The following BRINP2 variants were observed in gnomAD, a reference collection of about 807,000 sequenced individuals.
BRINP2 encodes the protein BMP/retinoic acid inducible neural specific 2, also known as BMP/retinoic acid-inducible neural-specific protein 2.
BRINP2 carries 21 observed loss-of-function variants against 69.2 expected under a neutral mutation model. The observed-to-expected ratio is 0.30, with a 90% confidence interval of 0.22 to 0.44. The LOEUF (loss-of-function observed/expected upper bound fraction) is 0.44, where lower values mean the gene tolerates loss of function less well. Ranked by LOEUF, BRINP2 falls within the 20% of genes least tolerant of loss-of-function variation. The pLI is 1.00. For missense variants in BRINP2, 877 were observed against 986.0 expected (o/e 0.89, Z 1.48); for synonymous variants, 380 against 394.1 (o/e 0.96, Z 0.42).
At chr1:177,278,883 G>T (rs1318736587) in intron 7 of BRINP2, 98 bp downstream of exon 7, 1 of 1,190,436 alleles carries the variant, frequency 8.4e-7, no homozygotes, top group Non-Finnish European at 1.2e-6. Context: ...GGATCAGGGA[G>T]TGGTGACTCA....
intron 1 of BRINP2, among the ~76,000 whole-genome samples, chr1:177,221,202 T>C (rs1252661986): frequency 1.3e-5 from 2 of 152,202 alleles, no homozygotes; most frequent in African/African-American, 4.8e-5. Context: ...CTCTGTACAA[T>C]GGGCATAATA....
At chr1:177,184,082 A>G (rs1027892313) in intron 1 of BRINP2, among the ~76,000 whole-genome samples, 1 of 152,130 alleles carries the variant, frequency 6.6e-6, no homozygotes, top group Admixed American at 6.5e-5. Flanking sequence ...TATGCAATCT[A>G]CTTGACTCAT....
At chr1:177,248,115 G>A (rs1044382614) in intron 2 of BRINP2, among the ~76,000 whole-genome samples, 47 of 152,118 alleles carry the variant, frequency 3.1e-4, no homozygotes, top group Admixed American at 1.3e-4. Context: ...AGAATAATCC[G>A]GCTGTTCGTG....
chr1:177,244,291 T>G (rs1256863751), intron 2 of BRINP2, among the ~76,000 whole-genome samples: 1 of 152,178 alleles, frequency 6.6e-6, no homozygotes, highest in African/African-American at 2.4e-5. Context: ...AAAATATATA[T>G]AGCAGCAACA....
chr1:177,226,635 G>A (rs1434090382), intron 1 of BRINP2, among the ~76,000 whole-genome samples: 1 of 152,154 alleles, frequency 6.6e-6, no homozygotes, highest in East Asian at 1.9e-4. Context: ...AGGAGCATGG[G>A]TACAGGTTAA....
intron 4 of BRINP2, among the ~76,000 whole-genome samples, chr1:177,272,895 T>A (rs1033132884): frequency 2.0e-5 from 3 of 152,244 alleles, no homozygotes; most frequent in African/African-American, 7.2e-5. Flanking sequence ...CTATGGTGTT[T>A]TGAAATATTA....
At chr1:177,215,968 CT>C (rs929381309) in intron 1 of BRINP2, among the ~76,000 whole-genome samples, 5 of 151,942 alleles carry the variant, frequency 3.3e-5, no homozygotes, top group East Asian at 1.9e-4. Flanking sequence ...CAAAGAATAT[CT>C]TTTTTTTATT....
At chr1:177,237,950 T>C (rs1423725177) in intron 2 of BRINP2, among the ~76,000 whole-genome samples, 1 of 152,152 alleles carries the variant, frequency 6.6e-6, no homozygotes, top group Non-Finnish European at 1.5e-5. Context: ...TTATTCAGCT[T>C]CTGCCACATT....
At chr1:177,216,270 C>T (rs1649372307) in intron 1 of BRINP2, among the ~76,000 whole-genome samples, 1 of 151,890 alleles carries the variant, frequency 6.6e-6, no homozygotes, top group Admixed American at 6.6e-5. Flanking sequence ...TGTGCATCTC[C>T]TATAGATTTT....
At chr1:177,265,836 G>A (rs983236917) in intron 4 of BRINP2, among the ~76,000 whole-genome samples, 1 of 152,056 alleles carries the variant, frequency 6.6e-6, no homozygotes, top group Non-Finnish European at 1.5e-5. Context: ...ATAATAAAGT[G>A]TAGGCCAGCT....
chr1:177,203,635 A>G (rs143716145), intron 1 of BRINP2, among the ~76,000 whole-genome samples: 27 of 152,304 alleles, frequency 1.8e-4, no homozygotes, highest in Admixed American at 3.9e-4. Flanking sequence ...ACTGGTATGA[A>G]GTGGGGACCA....
rs745487215 is a variant in BRINP2, at chr1:177,278,754, C to T, written c.1204C>T (p.Arg402Cys). 17 of 1,613,998 alleles carry T rather than the reference C, an allele frequency of 1.1e-5. No homozygotes were observed. Among genetic ancestry groups the T allele is most frequent in the South Asian group, 3.3e-5 (3 of 91,088 alleles). The stretch of plus-strand genomic sequence containing the variant: ...CTTCAACCTCTGCAAGCGCTGCCAT[C>T]GCCAGCCTCGCTTCCGCCTGCCCAA... ...RLFNLCKRCH[R>C]QPRFRLPKER... Residue 402 changes from arginine to cysteine, a missense_variant, in exon 7 of 8, where the codon CGC (arginine) becomes TGC (cysteine). Physicochemically the swap from Arg to Cys is radical, Grantham distance 180. Transcript: ENST00000361539.
chr1:177,174,968 C>G (rs1329490143), intron 1 of BRINP2, among the ~76,000 whole-genome samples: 1 of 152,128 alleles, frequency 6.6e-6, no homozygotes, highest in Non-Finnish European at 1.5e-5. Flanking sequence ...ATCAAAAAAT[C>G]TGAATGAGGA....
intron 5 of BRINP2, 80 bp from the exon 6 acceptor site, chr1:177,276,118 G>A (rs1227199933): frequency 1.5e-6 from 2 of 1,328,292 alleles, no homozygotes; most frequent in Non-Finnish European, 2.1e-6. Flanking sequence ...ACTCCAGCTG[G>A]GATTCCTGCA....
Position 177,171,458 on chromosome 1 carries a change from C to CGGCGGT in BRINP2, c.-339_-334dup, listed in dbSNP as rs1290670623. 4 of 163,238 alleles carry CGGCGGT rather than the reference C, an allele frequency of 2.5e-5. No individual in the cohort carries two copies. Among genetic ancestry groups the CGGCGGT allele is most frequent in the Admixed American group, 6.5e-5 (1 of 15,408 alleles). The allele number at this position is 163,238 out of a possible 1,614,324, so 10.1% of individuals were successfully genotyped here. ...CAGCAGGCAAGTGGTCTAACGTTGGCGGCGGTGGCGGTGGCGGCGGCGGCG... is the reference window on the plus strand; with the variant it reads ...CAGCAGGCAAGTGGTCTAACGTTGGCGGCGGTGGCGGTGGCGGTGGCGGCGGCGGCG... On this transcript the variant is annotated 5_prime_UTR_variant, in exon 1 of 8. Coordinates refer to ENST00000361539, the MANE Select transcript of BRINP2 (RefSeq NM_021165.4).
Position 177,259,330 on chromosome 1 carries a change from T to C in BRINP2, c.669+1946T>C, listed in dbSNP as rs114239828. Among the ~76,000 whole-genome samples the C allele has an allele frequency of 2.4e-3, 360 of 152,220 alleles. 1 individual carries two copies. The highest frequency in any genetic ancestry group is 8.3e-3 in the African/African-American group (344 of 41,540). ...GGGGTCAAAAAGCTACAGAAAAATG[T>C]TTGAAGCTAGCGTAGGTTGGTTCAT... On this transcript the variant is annotated intron_variant, in intron 4 of 7. Coordinates refer to ENST00000361539, the MANE Select transcript of BRINP2 (RefSeq NM_021165.4).
intron 1 of BRINP2, among the ~76,000 whole-genome samples, chr1:177,200,231 G>T (rs1229323400): frequency 8.3e-6 from 1 of 120,238 alleles, no homozygotes; most frequent in Non-Finnish European, 1.6e-5. Context: ...GGCAGAGGTT[G>T]CAGTGAGCTG....
At chr1:177,267,714 T>C (rs1342904802) in intron 4 of BRINP2, among the ~76,000 whole-genome samples, 1 of 152,218 alleles carries the variant, frequency 6.6e-6, no homozygotes, top group Admixed American at 6.5e-5. Flanking sequence ...GTCATAACTA[T>C]GGCTTTCTGG....
intron 1 of BRINP2, among the ~76,000 whole-genome samples, chr1:177,212,482 T>C (rs1188142207): frequency 1.3e-5 from 2 of 152,010 alleles, no homozygotes; most frequent in African/African-American, 4.8e-5. Flanking sequence ...GAGGCGGAGC[T>C]TGCAGTGAGC....
Sources: allele counts gnomAD v4.1 joint callset (sites outside exome capture counted in the v4.1 genomes callset), GRCh38; gene constraint gnomAD v4.1.1; transcripts MANE v1.5; gene names NCBI Gene and HGNC (gene_info 2026-07-23, HGNC 2026-07-21).